The following SMIM35 variants were observed in gnomAD, a reference collection of about 807,000 sequenced individuals.
The protein encoded by SMIM35 is small integral membrane protein 35, also known as TMPRSS4 antisense RNA 1 (non-protein coding).
intron 2 of SMIM35, among the ~76,000 whole-genome samples, chr11:118,015,442 G>A (rs2135021384): frequency 6.6e-6 from 1 of 152,274 alleles, no homozygotes; most frequent in South Asian, 2.1e-4. Context: ...TATGGGCTCT[G>A]AGGGAGGAGG....
Position 118,041,420 on chromosome 11 carries a change from A to G in SMIM35, c.8-25611T>C, listed in dbSNP as rs184154311. Reference sequence around the variant, plus strand: ...ATGCCAAGCCGTAAAACAAACCTCAATAAAATTTAAAGAATAAAAATAATA... The same window carrying G: ...ATGCCAAGCCGTAAAACAAACCTCAGTAAAATTTAAAGAATAAAAATAATA... On this transcript the variant is annotated intron_variant, in intron 1 of 4. Transcript: ENST00000689828. Among the ~76,000 whole-genome samples, 279 of 152,334 alleles carry G rather than the reference A, an allele frequency of 1.8e-3. 1 individual carries two copies. The highest frequency in any genetic ancestry group is 6.2e-3 in the African/African-American group (256 of 41,578).
chr11:118,028,905 CAGG>C lies in SMIM35; in HGVS notation c.8-13099_8-13097del, dbSNP rs560488794. On this transcript the variant is annotated intron_variant, in intron 1 of 4. Transcript: ENST00000689828. ...AGAAGAAGGAGGAGGGGAAGGAGGA[CAGG>C]AGGAGGAGGAGGGGAAAAATAAGAG... The C allele has an allele frequency of 1.6e-3, 632 of 398,542 alleles. 3 individuals are homozygous for C. The highest frequency in any genetic ancestry group is 4.3e-3 in the South Asian group (234 of 54,172). 24.7% of individuals were successfully genotyped at this position (398,542 alleles called of 1,614,324 possible).
At position 118,045,557 on chromosome 11, in the gene SMIM35, A is replaced by G. The variant is rs529783359; in HGVS notation, c.8-29748T>C. 3.9e-5 allele frequency among the ~76,000 whole-genome samples: 6 copies of G among 152,320 alleles called. No individual in the cohort carries two copies. In the East Asian group the frequency reaches 1.2e-3, roughly 29 times the overall value. ...ATAAAATTGTCATTTTTAAAGGTCA[A>G]AAACAGGTATCATCAATTTCACATG... On this transcript the variant is annotated intron_variant, in intron 1 of 4. Transcript: ENST00000689828.
At position 118,041,386 on chromosome 11, in the gene SMIM35, A is replaced by G. The variant is rs141231596; in HGVS notation, c.8-25577T>C. On this transcript the variant is annotated intron_variant, in intron 1 of 4. Transcript: ENST00000689828. Reference sequence around the variant, plus strand: ...CAAGTGTACATAAAACATCCCCTGGATAGACCATATGCCAAGCCGTAAAAC... The same window carrying G: ...CAAGTGTACATAAAACATCCCCTGGGTAGACCATATGCCAAGCCGTAAAAC... 3.9e-3 allele frequency among the ~76,000 whole-genome samples: 599 copies of G among 152,320 alleles called. 5 individuals are homozygous for G. Among genetic ancestry groups the G allele is most frequent in the African/African-American group, 0.013 (559 of 41,578 alleles).
At chr11:118,079,820 T>A (rs76308906) in intron 1 of SMIM35, among the ~76,000 whole-genome samples, 1 of 152,148 alleles carries the variant, frequency 6.6e-6, no homozygotes, top group Non-Finnish European at 1.5e-5. Flanking sequence ...CCACCCTGAC[T>A]GGGGCACAGA....
chr11:118,044,296 T>C (rs899197877), intron 1 of SMIM35, among the ~76,000 whole-genome samples: 1 of 135,646 alleles, frequency 7.4e-6, no homozygotes, highest in Non-Finnish European at 1.5e-5. Flanking sequence ...TCTTAGTCAC[T>C]GAGAAGTCTG....
chr11:118,049,055 A>G (rs777087786), intron 1 of SMIM35, among the ~76,000 whole-genome samples: 9 of 151,502 alleles, frequency 5.9e-5, no homozygotes, highest in Non-Finnish European at 1.2e-4. Flanking sequence ...GCGCTATTTC[A>G]CTAAACTTCC....
At chr11:118,046,974 GATAA>G (rs1229777748) in intron 1 of SMIM35, among the ~76,000 whole-genome samples, 4 of 152,332 alleles carry the variant, frequency 2.6e-5, no homozygotes, top group African/African-American at 7.2e-5. Flanking sequence ...AGGAGTTTAA[GATAA>G]ATAAACATTT....
At chr11:118,077,315 G>A in intron 1 of SMIM35, 1 of 1,598,552 alleles carries the variant, frequency 6.3e-7, no homozygotes, top group Non-Finnish European at 8.5e-7. Flanking sequence ...GGTGAGTGTG[G>A]GGCCCTCTGC....
chr11:118,082,101 A>G (rs1285646348), intron 1 of SMIM35, among the ~76,000 whole-genome samples: 2 of 152,232 alleles, frequency 1.3e-5, no homozygotes, highest in African/African-American at 4.8e-5. Context: ...CGTAGGAGTC[A>G]CTGGTGGTCT....
At chr11:118,036,764 C>CT (rs1194860395) in intron 1 of SMIM35, among the ~76,000 whole-genome samples, 8 of 152,094 alleles carry the variant, frequency 5.3e-5, no homozygotes, top group African/African-American at 1.9e-4. Flanking sequence ...GCCTCTGCTC[C>CT]TTTTTTTCTT....
At chr11:118,034,728 C>T (rs1159963636) in intron 1 of SMIM35, among the ~76,000 whole-genome samples, 67 of 152,102 alleles carry the variant, frequency 4.4e-4, no homozygotes, top group Non-Finnish European at 8.8e-5. Context: ...GGCTCAGTGT[C>T]CACAATGTGA....
intron 1 of SMIM35, among the ~76,000 whole-genome samples, chr11:118,052,070 A>G (rs941812447): frequency 2.6e-5 from 4 of 152,176 alleles, no homozygotes; most frequent in South Asian, 2.1e-4. Context: ...ACTCTTCCAC[A>G]CTGTACATTG....
chr11:118,078,514 T>C (rs1359899496), intron 1 of SMIM35, among the ~76,000 whole-genome samples: 1 of 152,206 alleles, frequency 6.6e-6, no homozygotes, highest in Non-Finnish European at 1.5e-5. Flanking sequence ...GGGAAGGGGC[T>C]TCCCTTTGAG....
chr11:118,018,961 T>C (rs1342710859), intron 1 of SMIM35, among the ~76,000 whole-genome samples: 1 of 152,178 alleles, frequency 6.6e-6, no homozygotes, highest in African/African-American at 2.4e-5. Flanking sequence ...TTCAAAGAAT[T>C]CTAAAATGCT....
At chr11:118,051,847 C>T (rs1944220345) in intron 1 of SMIM35, among the ~76,000 whole-genome samples, 1 of 152,012 alleles carries the variant, frequency 6.6e-6, no homozygotes, top group Non-Finnish European at 1.5e-5. Flanking sequence ...AATACTAATA[C>T]TAATACTAAT....
chr11:118,011,843 G>T (rs2058152345), intron 4 of SMIM35, among the ~76,000 whole-genome samples: 1 of 152,146 alleles, frequency 6.6e-6, no homozygotes, highest in Non-Finnish European at 1.5e-5. Context: ...GAAGGGAGGG[G>T]TCTCAGAACC....
chr11:118,012,696 C>T (rs2058156536), intron 4 of SMIM35, among the ~76,000 whole-genome samples: 1 of 152,118 alleles, frequency 6.6e-6, no homozygotes, highest in East Asian at 1.9e-4. Flanking sequence ...GGGGATGGGG[C>T]AGGGGGAGGG....
At chr11:118,031,256 T>C (rs1429847451) in intron 1 of SMIM35, among the ~76,000 whole-genome samples, 1 of 152,188 alleles carries the variant, frequency 6.6e-6, no homozygotes, top group Admixed American at 6.5e-5. Context: ...CTTTGTCCAC[T>C]AGGAGGGCTT....
Sources: gnomAD v4.1 joint callset for allele counts (sites outside exome capture counted in the v4.1 genomes callset) on GRCh38, gnomAD v4.1.1 for gene constraint, MANE v1.5 for transcripts, NCBI Gene and HGNC (gene_info 2026-07-23, HGNC 2026-07-21) for gene names.